Variants in ITGA9 observed in about 807,000 individuals in gnomAD.
ITGA9 encodes the protein integrin alpha-9.
In ITGA9, 56 loss-of-function variants were observed where a neutral mutation model predicts 127.8. The ratio of observed to expected loss-of-function variants is 0.44; its 90% CI spans 0.35 to 0.55. ITGA9 has a LOEUF of 0.55. ITGA9 is among the 20% of genes least tolerant of loss of function. ITGA9 has a pLI of 0.00. For synonymous variants in ITGA9, 508 were observed against 514.5 expected, an observed-to-expected ratio of 0.99 and a Z score of 0.17; for missense variants, 1,196 against 1,347.1, an observed-to-expected ratio of 0.89 and a Z score of 1.76.
chr3:37,541,983 G>T (rs1185935900), intron 14 of ITGA9, among the ~76,000 whole-genome samples: 1 of 152,170 alleles, frequency 6.6e-6, no homozygotes, highest in Admixed American at 6.5e-5. Context: ...CTTGTGTTGG[G>T]CATAAACCAT....
intron 1 of ITGA9, among the ~76,000 whole-genome samples, chr3:37,459,794 T>C (rs552031220): frequency 6.6e-6 from 1 of 152,360 alleles, no homozygotes; most frequent in East Asian, 1.9e-4. Context: ...AACATCTGTC[T>C]TGTGAAGTTC....
At chr3:37,777,347 C>T in intron 23 of ITGA9, 45 bp from the exon 24 acceptor site, 1 of 1,611,304 alleles carries the variant, frequency 6.2e-7, no homozygotes, top group Non-Finnish European at 8.5e-7. Flanking sequence ...CATCATGATT[C>T]ATTCTTGAGA....
chr3:37,684,624 C>T (rs901462652), intron 18 of ITGA9, among the ~76,000 whole-genome samples: 3 of 152,100 alleles, frequency 2.0e-5, no homozygotes, highest in Admixed American at 6.5e-5. Context: ...TACAGGTGTG[C>T]ACCTGGCTAA....
chr3:37,685,321 C>A (rs1025349866), intron 18 of ITGA9, among the ~76,000 whole-genome samples: 4 of 152,208 alleles, frequency 2.6e-5, no homozygotes, highest in African/African-American at 7.2e-5. Context: ...AAGAAGTCAT[C>A]TCAGATTCCC....
chr3:37,620,823 T>A (rs1057322090), intron 15 of ITGA9, among the ~76,000 whole-genome samples: 1 of 152,150 alleles, frequency 6.6e-6, no homozygotes, highest in African/African-American at 2.4e-5. Context: ...AAGCTATTCT[T>A]CCCTCATTGG....
chr3:37,699,379 T>C (rs1700921822), intron 18 of ITGA9, among the ~76,000 whole-genome samples: 1 of 152,182 alleles, frequency 6.6e-6, no homozygotes, highest in South Asian at 2.1e-4. Flanking sequence ...GTTCCATTTG[T>C]AGGAAACAGT....
chr3:37,483,538 T>G (rs2125559782), intron 4 of ITGA9, among the ~76,000 whole-genome samples: 1 of 152,344 alleles, frequency 6.6e-6, no homozygotes, highest in African/African-American at 2.4e-5. Flanking sequence ...GAAGATGTAC[T>G]CCTCAGCACG....
intron 16 of ITGA9, among the ~76,000 whole-genome samples, chr3:37,648,199 C>T (rs946172119): frequency 1.3e-5 from 2 of 152,026 alleles, no homozygotes; most frequent in Admixed American, 6.6e-5. Context: ...TATCTCTTGT[C>T]GTTTTTATAG....
chr3:37,535,206 T>TAC (rs1699196590), intron 14 of ITGA9, among the ~76,000 whole-genome samples: 1 of 152,220 alleles, frequency 6.6e-6, no homozygotes, highest in Non-Finnish European at 1.5e-5. Context: ...TAAAGGGAGT[T>TAC]ACAAAGAGTT....
At chr3:37,740,704 A>G (rs920093698) in intron 20 of ITGA9, among the ~76,000 whole-genome samples, 1 of 152,198 alleles carries the variant, frequency 6.6e-6, no homozygotes, top group African/African-American at 2.4e-5. Flanking sequence ...CAGTGAGGCC[A>G]TGCTGAGAAA....
intron 23 of ITGA9, among the ~76,000 whole-genome samples, chr3:37,756,509 A>G (rs926072505): frequency 1.3e-5 from 2 of 152,200 alleles, no homozygotes; most frequent in African/African-American, 4.8e-5. Context: ...CCAAGACAGA[A>G]TGAGTCAGAA....
At chr3:37,542,317 G>A in intron 14 of ITGA9, 108 bp from the exon 15 acceptor site, 3 of 1,177,286 alleles carry the variant, frequency 2.5e-6, no homozygotes, top group Non-Finnish European at 3.8e-6. Context: ...GCCATGGAAG[G>A]GTAGGTATCA....
chr3:37,604,854 A>G (rs963876301), intron 15 of ITGA9, among the ~76,000 whole-genome samples: 4 of 152,180 alleles, frequency 2.6e-5, no homozygotes, highest in African/African-American at 4.8e-5. Context: ...CCCTTCCATG[A>G]AAGTTCTAAG....
chr3:37,680,168 T>C (rs1457625940), intron 17 of ITGA9, among the ~76,000 whole-genome samples: 2 of 152,192 alleles, frequency 1.3e-5, no homozygotes, highest in African/African-American at 4.8e-5. Flanking sequence ...CTCATCTCTC[T>C]AATATGGGCC....
intron 26 of ITGA9, 41 bp downstream of exon 26, chr3:37,785,119 G>C: frequency 1.5e-6 from 2 of 1,367,184 alleles, no homozygotes; most frequent in Admixed American, 1.7e-5. Flanking sequence ...CAGAGGGCAA[G>C]GGAAGCTGGG....
intron 26 of ITGA9, among the ~76,000 whole-genome samples, chr3:37,787,495 T>C (rs142662836): frequency 0.011 from 1,634 of 152,288 alleles, 16 homozygotes; most frequent in South Asian, 0.023. Flanking sequence ...AGGTTTTTTT[T>C]AGCACTCCTA....
chr3:37,556,675 G>A (rs1699434036), intron 15 of ITGA9, among the ~76,000 whole-genome samples: 1 of 152,204 alleles, frequency 6.6e-6, no homozygotes, highest in Non-Finnish European at 1.5e-5. Context: ...GGTGCTGCTG[G>A]TCCATAGACC....
intron 16 of ITGA9, among the ~76,000 whole-genome samples, chr3:37,630,971 G>A (rs1700225239): frequency 6.6e-6 from 1 of 152,198 alleles, no homozygotes; most frequent in South Asian, 2.1e-4. Context: ...CTTCTGCCTT[G>A]ACTGGGAAGT....
chr3:37,735,347 G>T (rs115621162), intron 19 of ITGA9, among the ~76,000 whole-genome samples: 68 of 151,964 alleles, frequency 4.5e-4, no homozygotes, highest in African/African-American at 1.6e-3. Context: ...CCCACAGTAA[G>T]CTGACCAGTC....
Sources: gnomAD v4.1 joint callset for allele counts (sites outside exome capture counted in the v4.1 genomes callset) on GRCh38, gnomAD v4.1.1 for gene constraint, MANE v1.5 for transcripts, NCBI Gene and HGNC (gene_info 2026-07-23, HGNC 2026-07-21) for gene names.